Variants in USO1 observed in about 807,000 individuals in gnomAD.
USO1 encodes USO1 vesicle transport factor.
USO1 carries 57 observed loss-of-function variants against 124.5 expected under a neutral mutation model. That is an observed-to-expected ratio of 0.46 (90% confidence interval 0.37 to 0.57). The LOEUF is 0.57. USO1 is among the 20% of genes least tolerant of loss of function. The pLI is 0.00. For synonymous variants in USO1, 369 were observed against 362.8 expected, an observed-to-expected ratio of 1.02 and a Z score of -0.19; for missense variants, 900 against 1,040.6, an observed-to-expected ratio of 0.86 and a Z score of 1.86.
intron 13 of USO1, among the ~76,000 whole-genome samples, chr4:75,798,896 AAG>A (rs1412757930): frequency 6.6e-6 from 1 of 152,182 alleles, no homozygotes; most frequent in African/African-American, 2.4e-5. Flanking sequence ...ATTGTGAACT[AAG>A]AGAATATTCT....
rs1473978920 is a variant in USO1 at position 75,770,456 on chromosome 4, C to G, written c.313C>G (p.Gln105Glu). ...EEEVEENSTR[Q>E]SEDLGSQFTE... The stretch of plus-strand genomic sequence containing the variant: ...TATTACAGAAGAAAATTCCACAAGA[C>G]AGAGTGAAGATTTGGGAAGCCAATT... Residue 105 changes from glutamine to glutamate, a missense_variant, in exon 5 of 24, where the codon CAG becomes GAG. Physicochemically the swap from Gln to Glu is conservative, Grantham distance 29. Coordinates refer to ENST00000514213, the MANE Select transcript of USO1 (RefSeq NM_003715.4). 2 of 1,583,664 alleles carry G rather than the reference C, an allele frequency of 1.3e-6. No homozygotes were observed. Among genetic ancestry groups the G allele is most frequent in the Admixed American group, 1.8e-5 (1 of 56,406 alleles).
chr4:75,737,922 G>A (rs1010304440), intron 1 of USO1, among the ~76,000 whole-genome samples: 3 of 151,696 alleles, frequency 2.0e-5, no homozygotes, highest in African/African-American at 7.3e-5. Flanking sequence ...CCACCTCCCA[G>A]GTTCAAGCGA....
rs1721481754 is a variant in USO1, at chr4:75,757,533, A to G, written c.255A>G (p.Thr85=). 2 of 1,508,356 alleles carry G rather than the reference A, an allele frequency of 1.3e-6. No individual in the cohort carries two copies. The highest frequency in any genetic ancestry group is 1.8e-6 in the Non-Finnish European group (2 of 1,128,036). The allele number at this position is 1,508,356 out of a possible 1,614,324, so 93.4% of individuals were successfully genotyped here. A position where few individuals can be genotyped will look rare whatever the true frequency, so the allele number is the denominator to read the frequency against. ...AAATAATAGGTTATGCTTTGGACAC[A>G]CTATATAATATAATATCTAATGAAG... ...DSEIIGYALD[T]LYNIISNEEE... The change falls in exon 4 of 24, where the codon ACA becomes ACG. Residue 85 remains threonine, a synonymous_variant. Coordinates refer to ENST00000514213, the MANE Select transcript of USO1 (RefSeq NM_003715.4).
chr4:75,787,820 A>G (rs1412716977), intron 10 of USO1, among the ~76,000 whole-genome samples: 1 of 152,152 alleles, frequency 6.6e-6, no homozygotes, highest in Non-Finnish European at 1.5e-5. Context: ...GTTGGGGTTT[A>G]TATTTTTACA....
In USO1 at chr4:75,772,822, C is replaced by T. The variant is rs557388204; in HGVS notation, c.555+1685C>T. Among the ~76,000 whole-genome samples the T allele has an allele frequency of 1.2e-4, 19 of 152,190 alleles. No homozygotes were observed. The East Asian group carries it at 1.7e-3, about 14-fold the overall frequency. On this transcript the variant is annotated intron_variant, in intron 7 of 23. Transcript: ENST00000514213. ...AAAAAAATAACTGCATTAGGCCAGG[C>T]GTGGTGGCTTATATCTGTAATCCCA...
At chr4:75,726,915 G>A (rs1341814846) in intron 1 of USO1, among the ~76,000 whole-genome samples, 1 of 152,164 alleles carries the variant, frequency 6.6e-6, no homozygotes, top group African/African-American at 2.4e-5. Context: ...ACCCCTGATT[G>A]GATTGGATAT....
intron 7 of USO1, 77 bp downstream of exon 7, chr4:75,771,214 T>C: frequency 6.9e-7 from 1 of 1,454,476 alleles, no homozygotes; most frequent in South Asian, 1.4e-5. Flanking sequence ...TGTTGTTGAG[T>C]TTTAGGAAAT....
At chr4:75,759,993 C>T (rs1721558588) in intron 4 of USO1, among the ~76,000 whole-genome samples, 1 of 151,950 alleles carries the variant, frequency 6.6e-6, no homozygotes, top group African/African-American at 2.4e-5. Context: ...GGGTGGATCA[C>T]CTGAGGTCAG....
rs539428128 is a variant in USO1, at chr4:75,805,065, A to G, written c.2126-75A>G. On this transcript the variant is annotated intron_variant, in intron 18 of 23. Transcript: ENST00000514213. ...AGTAATTGAATGAAGAAAATTACAT[A>G]TTTGAATCTTCTACTTCAAAAATGA... The G allele has an allele frequency of 1.3e-5, 19 of 1,466,858 alleles. No homozygotes were observed. The East Asian group carries it at 3.8e-4, about 30-fold the overall frequency. The allele number at this position is 1,466,858 out of a possible 1,614,324, so 90.9% of individuals were successfully genotyped here.
rs1355140592 is a variant in USO1 at position 75,804,195 on chromosome 4, T to C, written c.2048T>C (p.Leu683Pro). 1.2e-6 allele frequency: 2 copies of C among 1,613,540 alleles called. No individual in the cohort carries two copies. Among genetic ancestry groups the C allele is most frequent in the Non-Finnish European group, 1.7e-6 (2 of 1,179,730 alleles). ...VSTLKCQNEQLQTAVTQQVSQ... is the reference protein window; with the variant it reads ...VSTLKCQNEQPQTAVTQQVSQ... ...ACATTAAAATGTCAAAATGAACAGC[T>C]CCAGACGGCAGTCACACAGCAAGTA... The change falls in exon 18 of 24, where the codon CTC (leucine) becomes CCC (proline). Residue 683 changes from leucine (L) to proline (P), a missense_variant. Physicochemically the swap from Leu to Pro is moderately conservative, Grantham distance 98. Around this residue, in one of 2 missense-constraint regions of USO1, gnomAD observed 362 missense variants for 359.0 expected, o/e 1.01. Transcript: ENST00000514213.
chr4:75,730,325 G>A (rs1014850567), intron 1 of USO1, among the ~76,000 whole-genome samples: 2 of 152,094 alleles, frequency 1.3e-5, no homozygotes, highest in Non-Finnish European at 2.9e-5. Flanking sequence ...TGTGTGCAAC[G>A]ACCACTAACA....
At position 75,799,637 on chromosome 4, in the gene USO1, A is replaced by G; in HGVS notation, c.1468A>G (p.Thr490Ala). The G allele has an allele frequency of 6.2e-7, 1 of 1,613,514 alleles. No individual in the cohort carries two copies. The highest frequency in any genetic ancestry group is 8.5e-7 in the Non-Finnish European group (1 of 1,179,718). ...NILSQGSKIQTRVGLLMLLCT... is the reference protein window; with the variant it reads ...NILSQGSKIQARVGLLMLLCT... ...TCTGTTGCAGGGAAGCAAAATACAA[A>G]CAAGAGTTGGATTATTAATGTTGCT... Residue 490 changes from threonine to alanine, a missense_variant, in exon 14 of 24, where the codon ACA (threonine) becomes GCA (alanine). Thr to Ala is a moderately conservative substitution (Grantham distance 58, BLOSUM62 0). Around this residue, in one of 2 missense-constraint regions of USO1, gnomAD observed 538 missense variants for 681.6 expected, o/e 0.79. Coordinates refer to ENST00000514213, the MANE Select transcript of USO1 (RefSeq NM_003715.4).
At chr4:75,741,412 A>G (rs1720955495) in intron 1 of USO1, among the ~76,000 whole-genome samples, 1 of 152,142 alleles carries the variant, frequency 6.6e-6, no homozygotes, top group African/African-American at 2.4e-5. Context: ...CACTAAATTC[A>G]TTTTTTAAAA....
chr4:75,753,787 T>TC (rs1416963107), intron 3 of USO1, among the ~76,000 whole-genome samples: 29 of 149,934 alleles, frequency 1.9e-4, no homozygotes, highest in African/African-American at 6.9e-4. Context: ...TCAATTTTTT[T>TC]TTTTTTTTTT....
At position 75,809,056 on chromosome 4, in the gene USO1, G is replaced by A; in HGVS notation, c.2475+5G>A. 1.3e-6 allele frequency: 2 copies of A among 1,574,352 alleles called. No homozygotes were observed. The highest frequency in any genetic ancestry group is 1.7e-6 in the Non-Finnish European group (2 of 1,162,836). ...TTACAGAAAACAGAAGCGTTTGTAA[G>A]TATTTTCTCTTTTTTCTCTGGAAGG... On this transcript the variant is annotated splice_donor_5th_base_variant and intron_variant, in intron 21 of 23. Transcript: ENST00000514213.
At chr4:75,808,268 T>C (rs2149195244) in intron 20 of USO1, among the ~76,000 whole-genome samples, 1 of 152,328 alleles carries the variant, frequency 6.6e-6, no homozygotes, top group South Asian at 2.1e-4. Context: ...ATTATAGTAC[T>C]ACTGCTTTCA....
At chr4:75,796,396 C>T (rs1722682429) in intron 13 of USO1, among the ~76,000 whole-genome samples, 1 of 144,778 alleles carries the variant, frequency 6.9e-6, no homozygotes, top group African/African-American at 2.5e-5. Context: ...AGTGCAATGG[C>T]ACGATCTTGG....
chr4:75,811,776 T>C (rs749934531), intron 22 of USO1, among the ~76,000 whole-genome samples: 5 of 151,900 alleles, frequency 3.3e-5, no homozygotes, highest in African/African-American at 1.2e-4. Flanking sequence ...GGATAAAAAA[T>C]TTTTTTTTAA....
intron 10 of USO1, among the ~76,000 whole-genome samples, chr4:75,789,598 T>A (rs552289516): frequency 3.3e-5 from 5 of 152,330 alleles, no homozygotes; most frequent in Admixed American, 3.3e-4. Flanking sequence ...CTTTCTGCAA[T>A]TCCATTAGTA....
Sources: allele counts gnomAD v4.1 joint callset (sites outside exome capture counted in the v4.1 genomes callset), GRCh38; gene constraint gnomAD v4.1.1; regional missense constraint gnomAD v4.1.1; transcripts MANE v1.5; gene names NCBI Gene and HGNC (gene_info 2026-07-23, HGNC 2026-07-21).